The following FRMD4B variants were observed in gnomAD, a reference collection of about 807,000 sequenced individuals.
The protein encoded by FRMD4B is FERM domain containing 4B.
In FRMD4B, 74 loss-of-function variants were observed where a neutral mutation model predicts 141.5. The observed-to-expected ratio is 0.52, with a 90% confidence interval of 0.43 to 0.63. The LOEUF is 0.63. FRMD4B is among the 30% of genes least tolerant of loss of function. FRMD4B has a pLI of 0.00. For missense variants in FRMD4B, 1,366 were observed against 1,253.4 expected, an observed-to-expected ratio of 1.09 and a Z score of -1.36; for synonymous variants, 506 against 467.9, an observed-to-expected ratio of 1.08 and a Z score of -1.05.
At chr3:69,226,252 T>C (rs1345451414) in intron 7 of FRMD4B, among the ~76,000 whole-genome samples, 1 of 152,186 alleles carries the variant, frequency 6.6e-6, no homozygotes, top group East Asian at 1.9e-4. Context: ...TCATTTGAAA[T>C]CTGAGAGTTA....
intron 1 of FRMD4B, among the ~76,000 whole-genome samples, chr3:69,540,279 CTGAG>C (rs1489521638): frequency 2.4e-4 from 36 of 152,124 alleles, no homozygotes; most frequent in Middle Eastern, 3.4e-3. Flanking sequence ...AGAGTGCTTA[CTGAG>C]TGTCAATCTC....
At chr3:69,233,233 T>A (rs2093322666) in intron 7 of FRMD4B, among the ~76,000 whole-genome samples, 1 of 152,048 alleles carries the variant, frequency 6.6e-6, no homozygotes, top group Non-Finnish European at 1.5e-5. Flanking sequence ...ACACCTGTAA[T>A]CCCAGCACTT....
chr3:69,348,645 T>A (rs1703030566), intron 1 of FRMD4B, among the ~76,000 whole-genome samples: 1 of 152,192 alleles, frequency 6.6e-6, no homozygotes. Flanking sequence ...CATGATCAAG[T>A]GGGCTTCATC....
chr3:69,353,419 A>G lies in FRMD4B; in HGVS notation c.162+32409T>C, dbSNP rs113996013. On this transcript the variant is annotated intron_variant, in intron 1 of 22. Transcript: ENST00000398540. ...TGGGTTCTGCAATATTAGTTCTTAG[A>G]TTAGTCCACCCCCAGTACAATATTA... 7.6e-3 allele frequency: 1,462 copies of G among 192,364 alleles called. 22 individuals carry two copies. The highest frequency in any genetic ancestry group is 0.033 in the African/African-American group (1,372 of 42,142). 11.9% of individuals were successfully genotyped at this position (192,364 alleles called of 1,614,324 possible).
At position 69,325,085 on chromosome 3, in the gene FRMD4B, A is replaced by AAAAGAAAGAAAGAAAG. The variant is rs1553724230; in HGVS notation, c.163-11584_163-11569dup. On this transcript the variant is annotated intron_variant, in intron 1 of 22. Transcript: ENST00000398540. The stretch of plus-strand genomic sequence containing the variant: ...CAGTGAGATACTGTCTAAAAAAAAA[A>AAAAGAAAGAAAGAAAG]AAAGAAAGAAAGAAAGAAAGAAAGA... Among the ~76,000 whole-genome samples, 89 of 79,996 alleles carry AAAAGAAAGAAAGAAAG rather than the reference A, an allele frequency of 1.1e-3. 2 individuals carry two copies. Among genetic ancestry groups the AAAAGAAAGAAAGAAAG allele is most frequent in the Admixed American group, 1.4e-3 (9 of 6,382 alleles). 52.5% of individuals were successfully genotyped at this position (79,996 alleles called of 152,430 possible). A position where few individuals can be genotyped will look rare whatever the true frequency, so the allele number is the denominator to read the frequency against.
chr3:69,397,656 A>T (rs1439342762), intron 2 of FRMD4B, among the ~76,000 whole-genome samples: 2 of 152,242 alleles, frequency 1.3e-5, no homozygotes, highest in Non-Finnish European at 2.9e-5. Flanking sequence ...TGAAATGTCT[A>T]GATTAGGCAA....
At chr3:69,310,786 G>A (rs560031589) in intron 3 of FRMD4B, among the ~76,000 whole-genome samples, 2 of 151,824 alleles carry the variant, frequency 1.3e-5, no homozygotes, top group African/African-American at 4.8e-5. Flanking sequence ...TAGTTGAGAA[G>A]GCAACATAAA....
rs142492987 is a variant in FRMD4B at position 69,422,685 on chromosome 3, G to T, written c.-1+9949C>A. On this transcript the variant is annotated intron_variant, in intron 2 of 5. Transcript: ENST00000459638. Reference sequence around the variant, plus strand: ...CTATCAACAATATGTAAGCAAATGCGCATGGCTTTGTTCCAATAAAACTTT... The same window carrying T: ...CTATCAACAATATGTAAGCAAATGCTCATGGCTTTGTTCCAATAAAACTTT... Among the ~76,000 whole-genome samples, 11 of 152,206 alleles carry T rather than the reference G, an allele frequency of 7.2e-5. No homozygotes were observed. In the East Asian group the frequency reaches 7.7e-4, roughly 11 times the overall value.
chr3:69,205,361 T>C (rs2093014652), intron 11 of FRMD4B, among the ~76,000 whole-genome samples: 1 of 152,028 alleles, frequency 6.6e-6, no homozygotes, highest in African/African-American at 2.4e-5. Context: ...TTGGGGGTAT[T>C]TCACTGGAGG....
At chr3:69,387,857 G>C (rs551028319), upstream of FRMD4B, among the ~76,000 whole-genome samples, 41 of 151,952 alleles carry the variant, frequency 2.7e-4, no homozygotes, top group Non-Finnish European at 5.1e-4. Flanking sequence ...CACAAGACTT[G>C]GTCCAAGATT....
chr3:69,350,835 GA>G (rs980675691), intron 1 of FRMD4B, among the ~76,000 whole-genome samples: 1 of 124,358 alleles, frequency 8.0e-6, no homozygotes, highest in Non-Finnish European at 1.7e-5. Flanking sequence ...GGGGTGTGGG[GA>G]GGGGGGAGGG....
intron 1 of FRMD4B, among the ~76,000 whole-genome samples, chr3:69,368,683 G>A (rs1474563583): frequency 1.3e-5 from 2 of 152,172 alleles, no homozygotes; most frequent in Non-Finnish European, 1.5e-5. Flanking sequence ...CAATAATGTG[G>A]GAGCTTCAGC....
chr3:69,293,728 A>G (rs944356142), intron 4 of FRMD4B, among the ~76,000 whole-genome samples: 29 of 151,938 alleles, frequency 1.9e-4, no homozygotes, highest in African/African-American at 7.0e-4. Flanking sequence ...TAAAAATACA[A>G]AAATTAGCTG....
chr3:69,384,237 G>C (rs1203886941), intron 1 of FRMD4B, among the ~76,000 whole-genome samples: 1 of 152,164 alleles, frequency 6.6e-6, no homozygotes, highest in Admixed American at 6.5e-5. Context: ...AAAATTATCA[G>C]TCAACCTTAT....
At chr3:69,176,913 T>A (rs1333514377) in intron 21 of FRMD4B, among the ~76,000 whole-genome samples, 1 of 152,192 alleles carries the variant, frequency 6.6e-6, no homozygotes, top group Non-Finnish European at 1.5e-5. Context: ...ATAGGTATGA[T>A]GCCAGGATTA....
intron 1 of FRMD4B, among the ~76,000 whole-genome samples, chr3:69,526,537 T>G (rs1700932816): frequency 6.6e-6 from 1 of 152,148 alleles, no homozygotes. Flanking sequence ...TCGCATTGGC[T>G]CTGCAGTCAG....
At chr3:69,380,111 T>C (rs576477875) in intron 1 of FRMD4B, among the ~76,000 whole-genome samples, 9 of 152,360 alleles carry the variant, frequency 5.9e-5, no homozygotes, top group African/African-American at 1.7e-4. Context: ...TTGTGGATCA[T>C]TGGAGTCTTG....
rs1445233406 is a variant in FRMD4B at position 69,446,379 on chromosome 3, C to G, written c.-128-13618G>C. Reference sequence around the variant, plus strand: ...ATGGAGTCTCAATCTGTCATCCTGGCTGGAGTGCAGTGGTGCGATCTCAGC... The same window carrying G: ...ATGGAGTCTCAATCTGTCATCCTGGGTGGAGTGCAGTGGTGCGATCTCAGC... On this transcript the variant is annotated intron_variant, in intron 1 of 5. Transcript: ENST00000459638. Among the ~76,000 whole-genome samples the G allele has an allele frequency of 3.3e-5, 5 of 151,902 alleles. No homozygotes were observed. The East Asian group carries it at 9.6e-4, about 29-fold the overall frequency.
rs149478028 is a variant in FRMD4B at position 69,436,413 on chromosome 3, C to T, written c.-128-3652G>A. Among the ~76,000 whole-genome samples, 292 of 152,098 alleles carry T rather than the reference C, an allele frequency of 1.9e-3. 2 individuals are homozygous for T. Among genetic ancestry groups the T allele is most frequent in the Middle Eastern group, 6.8e-3 (2 of 294 alleles). The stretch of plus-strand genomic sequence containing the variant: ...AGATACCATTTCACACCTACTAGGA[C>T]GGATATTTGGGGAATGAAAGGAAAA... On this transcript the variant is annotated intron_variant, in intron 1 of 5. Coordinates refer to the FRMD4B transcript ENST00000459638.
Sources: allele counts gnomAD v4.1 joint callset (sites outside exome capture counted in the v4.1 genomes callset), GRCh38; gene constraint gnomAD v4.1.1; transcripts MANE v1.5; gene names NCBI Gene and HGNC (gene_info 2026-07-23, HGNC 2026-07-21).